The following CACNG6 variants were observed in gnomAD, a reference collection of about 807,000 sequenced individuals.
CACNG6 encodes calcium voltage-gated channel auxiliary subunit gamma 6.
A neutral mutation model predicts 23.9 loss-of-function variants in CACNG6; 21 were observed. That is an observed-to-expected ratio of 0.88 (90% CI 0.62 to 1.26). CACNG6 has a LOEUF of 1.26. Ranked by LOEUF, CACNG6 falls within the 50% of genes most tolerant of loss-of-function variation. CACNG6 has a pLI of 0.00. For missense variants in CACNG6, 340 were observed against 352.9 expected, an observed-to-expected ratio of 0.96 and a Z score of 0.29; for synonymous variants, 182 against 168.9, an observed-to-expected ratio of 1.08 and a Z score of -0.60.
chr19:54,010,514 A>T (rs910524385), intron 3 of CACNG6, among the ~76,000 whole-genome samples: 1 of 152,026 alleles, frequency 6.6e-6, no homozygotes, highest in African/African-American at 2.4e-5. Context: ...GTTGTGGGAA[A>T]ATGTGCTAAA....
intron 3 of CACNG6, among the ~76,000 whole-genome samples, chr19:54,002,284 G>T (rs158203): frequency 0.21 from 24,484 of 116,376 alleles, 3,827 homozygotes; most frequent in African/African-American, 0.51. Flanking sequence ...TGTTTTTTTT[G>T]TTTTTTTTTT....
rs1374712691 is a variant in CACNG6, at chr19:53,993,029, C to T, written c.152C>T (p.Thr51Met). The change falls in exon 1 of 4, where the codon ACG (threonine) becomes ATG (methionine). Residue 51 changes from threonine (T) to methionine (M), a missense_variant. By Grantham distance (81) the Thr-to-Met change is moderately conservative. Transcript: ENST00000252729. ...CTGCTGCTGGCCGCCGTGGGCGCCA[C>T]GCTGGCGGTGCTGTCCGTGGGCACC... ...LALLLAAVGATLAVLSVGTEF... is the reference protein window; with the variant it reads ...LALLLAAVGAMLAVLSVGTEF... The T allele has an allele frequency of 5.4e-5, 80 of 1,472,542 alleles. No individual in the cohort carries two copies. The highest frequency in any genetic ancestry group is 7.2e-5 in the Non-Finnish European group (80 of 1,113,364). 91.2% of individuals were successfully genotyped at this position (1,472,542 alleles called of 1,614,324 possible). A position where few individuals can be genotyped will look rare whatever the true frequency, so the allele number is the denominator to read the frequency against.
intron 3 of CACNG6, among the ~76,000 whole-genome samples, chr19:54,007,081 C>G (rs1342814386): frequency 1.3e-5 from 2 of 152,116 alleles, no homozygotes; most frequent in African/African-American, 4.8e-5. Context: ...CAGGGTCTCA[C>G]TCTGTTGCCC....
At chr19:53,993,345 C>T (rs193221855) in intron 1 of CACNG6, 137 bp downstream of exon 1, 155 of 840,822 alleles carry the variant, frequency 1.8e-4, no homozygotes, top group Admixed American at 1.0e-3. Context: ...CAGTAAGCGC[C>T]AGTGCCCACT....
intron 3 of CACNG6, among the ~76,000 whole-genome samples, chr19:54,011,430 CAAAAAAA>C (rs59105087): frequency 3.4e-4 from 34 of 100,586 alleles, no homozygotes; most frequent in Admixed American, 1.4e-3. Context: ...GACTCCGTCT[CAAAAAAA>C]AAAAAAAAAA....
intron 1 of CACNG6, among the ~76,000 whole-genome samples, chr19:53,995,553 C>T (rs1473456830): frequency 1.3e-5 from 2 of 152,354 alleles, no homozygotes; most frequent in African/African-American, 4.8e-5. Context: ...AGGCAACCTA[C>T]ATTGTCCCAG....
At chr19:54,010,964 A>G (rs928205871) in intron 3 of CACNG6, among the ~76,000 whole-genome samples, 1 of 151,836 alleles carries the variant, frequency 6.6e-6, no homozygotes, top group African/African-American at 2.4e-5. Flanking sequence ...TAAACAATGC[A>G]TAATGATCAG....
chr19:54,004,194 C>A (rs1228615361), intron 3 of CACNG6, among the ~76,000 whole-genome samples: 1 of 151,504 alleles, frequency 6.6e-6, no homozygotes, highest in Non-Finnish European at 1.5e-5. Context: ...GAGTTTCGCT[C>A]TTGTTGCCCA....
chr19:54,009,877 G>A (rs1394550386), intron 3 of CACNG6, among the ~76,000 whole-genome samples: 2 of 149,178 alleles, frequency 1.3e-5, no homozygotes, highest in African/African-American at 4.9e-5. Context: ...AGTGAGCCGA[G>A]ATTGCCACTG....
chr19:53,994,911 A>G (rs1018528189), intron 1 of CACNG6, among the ~76,000 whole-genome samples: 1 of 152,204 alleles, frequency 6.6e-6, no homozygotes, highest in Non-Finnish European at 1.5e-5. Flanking sequence ...AAACTTTTGC[A>G]AAATGGGAGT....
intron 1 of CACNG6, among the ~76,000 whole-genome samples, chr19:53,994,228 C>G (rs971723203): frequency 6.6e-6 from 1 of 152,146 alleles, no homozygotes; most frequent in Non-Finnish European, 1.5e-5. Context: ...CTGCTTCCAC[C>G]AAACCAAGCT....
intron 3 of CACNG6, among the ~76,000 whole-genome samples, chr19:54,007,697 G>C (rs551981666): frequency 6.6e-6 from 1 of 152,038 alleles, no homozygotes; most frequent in Non-Finnish European, 1.5e-5. Flanking sequence ...AGGAGTTTGA[G>C]ACCAGCCCGG....
chr19:54,003,853 AT>A (rs143934901), intron 3 of CACNG6, among the ~76,000 whole-genome samples: 20 of 151,632 alleles, frequency 1.3e-4, no homozygotes, highest in African/African-American at 4.9e-4. Flanking sequence ...TGATACTTCT[AT>A]TTTTTTAATT....
chr19:53,993,805 A>G (rs561144774), intron 1 of CACNG6, among the ~76,000 whole-genome samples: 47 of 148,586 alleles, frequency 3.2e-4, no homozygotes, highest in African/African-American at 1.0e-3. Context: ...ACACCAGGCT[A>G]TGGTCCCAGA....
chr19:53,997,173 A>G (rs976535503), intron 1 of CACNG6, among the ~76,000 whole-genome samples: 5 of 151,912 alleles, frequency 3.3e-5, no homozygotes, highest in African/African-American at 1.2e-4. Flanking sequence ...CCTGGCCTCA[A>G]TTTTTGGATT....
chr19:54,000,602 A>G (rs571909348), intron 3 of CACNG6, among the ~76,000 whole-genome samples: 1 of 152,256 alleles, frequency 6.6e-6, no homozygotes, highest in East Asian at 1.9e-4. Flanking sequence ...TTTTTGAGAC[A>G]GAGTCTCCCT....
At chr19:53,995,974 C>T (rs2069517240) in intron 1 of CACNG6, among the ~76,000 whole-genome samples, 1 of 152,166 alleles carries the variant, frequency 6.6e-6, no homozygotes, top group South Asian at 2.1e-4. Flanking sequence ...GCATCCTCTA[C>T]CTCTTGCTGC....
intron 3 of CACNG6, among the ~76,000 whole-genome samples, chr19:54,001,192 CT>C (rs36064940): frequency 1.8e-3 from 256 of 142,390 alleles, no homozygotes; most frequent in Admixed American, 2.0e-3. Flanking sequence ...TCTTTTCTTT[CT>C]TTTTTTTTTT....
chr19:54,007,294 GC>G (rs1376503919), intron 3 of CACNG6, among the ~76,000 whole-genome samples: 1 of 152,264 alleles, frequency 6.6e-6, no homozygotes, highest in Non-Finnish European at 1.5e-5. Flanking sequence ...GCTCGCCTTG[GC>G]CTCCCAAAGT....
Sources: allele counts gnomAD v4.1 joint callset (sites outside exome capture counted in the v4.1 genomes callset), GRCh38; gene constraint gnomAD v4.1.1; transcripts MANE v1.5; gene names NCBI Gene and HGNC (gene_info 2026-07-23, HGNC 2026-07-21).